The following SKAP1 variants were observed in gnomAD, a reference collection of about 807,000 sequenced individuals.
SKAP1 encodes src kinase associated phosphoprotein 1.
In SKAP1, 44 loss-of-function variants were observed where a neutral mutation model predicts 58.5. The observed-to-expected ratio is 0.75, with a 90% CI of 0.59 to 0.97. The LOEUF is 0.97. Ranked by LOEUF, SKAP1 falls within the 50% of genes least tolerant of loss-of-function variation. The pLI is 0.00. For missense variants in SKAP1, 390 were observed against 435.2 expected, an observed-to-expected ratio of 0.90 and a Z score of 0.92; for synonymous variants, 127 against 149.7, an observed-to-expected ratio of 0.85 and a Z score of 1.11.
chr17:48,409,552 C>T (rs1281695279), intron 1 of SKAP1, among the ~76,000 whole-genome samples: 2 of 151,780 alleles, frequency 1.3e-5, no homozygotes, highest in African/African-American at 4.8e-5. Context: ...ACCTGTAGTC[C>T]CAGCTACTAG....
At chr17:48,425,055 C>T (rs2067841937) in intron 1 of SKAP1, among the ~76,000 whole-genome samples, 1 of 152,080 alleles carries the variant, frequency 6.6e-6, no homozygotes, top group Non-Finnish European at 1.5e-5. Context: ...GTCAGGAGTT[C>T]GAGACCAGCC....
At chr17:48,415,717 A>T (rs567439747) in intron 1 of SKAP1, among the ~76,000 whole-genome samples, 4 of 151,964 alleles carry the variant, frequency 2.6e-5, no homozygotes, top group Admixed American at 6.6e-5. Flanking sequence ...TCCTGCCCTC[A>T]TTCTGTCCCC....
At chr17:48,385,796 G>T (rs1163872396) in intron 2 of SKAP1, among the ~76,000 whole-genome samples, 1 of 152,212 alleles carries the variant, frequency 6.6e-6, no homozygotes, top group Non-Finnish European at 1.5e-5. Context: ...ATATTGTGGG[G>T]TTTGGTTATA....
At chr17:48,221,009 C>T (rs142939492) in intron 4 of SKAP1, among the ~76,000 whole-genome samples, 485 of 152,194 alleles carry the variant, frequency 3.2e-3, no homozygotes, top group Non-Finnish European at 5.0e-3. Context: ...TGGCTCACGC[C>T]TGTAATCCCA....
At chr17:48,428,882 C>G (rs75547602) in intron 1 of SKAP1, among the ~76,000 whole-genome samples, 1 of 152,092 alleles carries the variant, frequency 6.6e-6, no homozygotes, top group Admixed American at 6.5e-5. Context: ...TTATTCTGAT[C>G]GTAAGTAAAA....
chr17:48,335,749 C>G (rs1215004897), intron 4 of SKAP1, among the ~76,000 whole-genome samples: 1 of 152,058 alleles, frequency 6.6e-6, no homozygotes. Context: ...TCATATTTAA[C>G]ACACTCCCTT....
At chr17:48,275,816 G>C (rs1437577824) in intron 4 of SKAP1, among the ~76,000 whole-genome samples, 2 of 152,210 alleles carry the variant, frequency 1.3e-5, no homozygotes, top group Admixed American at 6.5e-5. Context: ...ACTTGATTAA[G>C]ATTCAAAGTC....
intron 4 of SKAP1, among the ~76,000 whole-genome samples, chr17:48,255,219 C>T (rs971563989): frequency 6.6e-6 from 1 of 151,948 alleles, no homozygotes; most frequent in Non-Finnish European, 1.5e-5. Context: ...AAATTCAAGC[C>T]AGACAAAATG....
At chr17:48,373,101 C>T (rs778859538) in intron 2 of SKAP1, among the ~76,000 whole-genome samples, 21 of 152,134 alleles carry the variant, frequency 1.4e-4, no homozygotes, top group Non-Finnish European at 2.6e-4. Context: ...AAAGATACTA[C>T]CTGAGACTGG....
chr17:48,399,106 T>C (rs1487828633), intron 1 of SKAP1, among the ~76,000 whole-genome samples: 1 of 151,978 alleles, frequency 6.6e-6, no homozygotes, highest in Non-Finnish European at 1.5e-5. Flanking sequence ...AGATACAAAG[T>C]CCTGGAAATT....
chr17:48,212,099 A>G (rs2064879542), intron 4 of SKAP1, among the ~76,000 whole-genome samples: 1 of 151,756 alleles, frequency 6.6e-6, no homozygotes, highest in Non-Finnish European at 1.5e-5. Flanking sequence ...ACACAGCTAA[A>G]TAAGTATTGG....
chr17:48,337,980 T>TCTTC (rs1039934760), intron 4 of SKAP1, among the ~76,000 whole-genome samples: 2 of 151,622 alleles, frequency 1.3e-5, no homozygotes, highest in South Asian at 2.1e-4. Context: ...ACACTTAGTA[T>TCTTC]CTTCCTTCCT....
At chr17:48,234,388 T>A (rs2065157871) in intron 4 of SKAP1, among the ~76,000 whole-genome samples, 1 of 152,214 alleles carries the variant, frequency 6.6e-6, no homozygotes, top group African/African-American at 2.4e-5. Flanking sequence ...TCTAGGAACT[T>A]ATATATGCTA....
chr17:48,324,890 A>G (rs960497952), intron 4 of SKAP1, among the ~76,000 whole-genome samples: 2 of 151,996 alleles, frequency 1.3e-5, no homozygotes, highest in Non-Finnish European at 2.9e-5. Flanking sequence ...AACAGTGAGT[A>G]TTTTCACCTA....
chr17:48,159,507 T>C (rs1384625687), intron 11 of SKAP1, among the ~76,000 whole-genome samples: 5 of 152,216 alleles, frequency 3.3e-5, no homozygotes, highest in African/African-American at 1.2e-4. Context: ...TAGACACCAC[T>C]TTCCGGGACT....
chr17:48,242,479 T>G (rs2065252845), intron 4 of SKAP1, among the ~76,000 whole-genome samples: 1 of 152,134 alleles, frequency 6.6e-6, no homozygotes, highest in South Asian at 2.1e-4. Context: ...GGCTGATGGC[T>G]CGCATAAAAG....
intron 4 of SKAP1, among the ~76,000 whole-genome samples, chr17:48,192,659 G>C (rs895020410): frequency 6.6e-6 from 1 of 152,160 alleles, no homozygotes; most frequent in African/African-American, 2.4e-5. Context: ...GAGAGAGCTT[G>C]AATTGAATTA....
chr17:48,431,930 C>T (rs143964068), upstream of SKAP1, among the ~76,000 whole-genome samples: 42 of 152,162 alleles, frequency 2.8e-4, no homozygotes, highest in South Asian at 4.8e-3. Context: ...TACTGTTTCC[C>T]ATCCAGAGAT....
At chr17:48,403,489 C>T (rs1029711468) in intron 1 of SKAP1, among the ~76,000 whole-genome samples, 20 of 151,822 alleles carry the variant, frequency 1.3e-4, no homozygotes, top group Non-Finnish European at 4.4e-5. Context: ...CTACACATAT[C>T]CTTTTGAGCT....
Sources: gnomAD v4.1 joint callset for allele counts (sites outside exome capture counted in the v4.1 genomes callset) on GRCh38, gnomAD v4.1.1 for gene constraint, MANE v1.5 for transcripts, NCBI Gene and HGNC (gene_info 2026-07-23, HGNC 2026-07-21) for gene names.